The following CCDC171 variants were observed in gnomAD, a reference collection of about 807,000 sequenced individuals.
The protein encoded by CCDC171 is coiled-coil domain containing 171.
Under a neutral mutation model 168.2 loss-of-function variants are expected in CCDC171, and 177 were observed. The observed-to-expected ratio is 1.05, with a 90% confidence interval of 0.93 to 1.19. CCDC171 has a LOEUF of 1.19. CCDC171 is among the 50% of genes most tolerant of loss of function. CCDC171 has a pLI of 0.00. For synonymous variants in CCDC171, 687 were observed against 540.8 expected, an observed-to-expected ratio of 1.27 and a Z score of -3.75; for missense variants, 1,991 against 1,539.0, an observed-to-expected ratio of 1.29 and a Z score of -4.91.
At chr9:15,752,514 C>T (rs889408994) in intron 18 of CCDC171, among the ~76,000 whole-genome samples, 1 of 152,096 alleles carries the variant, frequency 6.6e-6, no homozygotes, top group Non-Finnish European at 1.5e-5. Context: ...CAATAATAGA[C>T]TGGATAAAGA....
At chr9:15,812,560 C>T (rs1220359379) in intron 21 of CCDC171, among the ~76,000 whole-genome samples, 1 of 152,030 alleles carries the variant, frequency 6.6e-6, no homozygotes, top group Admixed American at 6.5e-5. Flanking sequence ...GTATCGGCCA[C>T]AAAAAGTTAC....
At chr9:15,969,966 A>G (rs932375237) in intron 25 of CCDC171, among the ~76,000 whole-genome samples, 2 of 152,340 alleles carry the variant, frequency 1.3e-5, no homozygotes, top group Non-Finnish European at 2.9e-5. Context: ...CCTCATTAAT[A>G]CTACTAATCA....
At chr9:15,919,897 G>C (rs781150283) in intron 24 of CCDC171, among the ~76,000 whole-genome samples, 17 of 151,526 alleles carry the variant, frequency 1.1e-4, no homozygotes, top group Non-Finnish European at 2.2e-4. Flanking sequence ...GAAATACCTT[G>C]TTTGTATACC....
At chr9:16,045,158 G>C (rs1833640650) in intron 1 of CCDC171, among the ~76,000 whole-genome samples, 1 of 152,184 alleles carries the variant, frequency 6.6e-6, no homozygotes, top group Non-Finnish European at 1.5e-5. Flanking sequence ...TGCAATTCTT[G>C]TTTGGGGGTC....
intron 11 of CCDC171, among the ~76,000 whole-genome samples, chr9:15,699,853 G>T (rs1588034609): frequency 6.6e-6 from 1 of 152,148 alleles, no homozygotes; most frequent in Non-Finnish European, 1.5e-5. Context: ...GCTAGACACA[G>T]GGTGCTGATT....
chr9:15,562,661 A>T (rs1030263306), intron 1 of CCDC171, among the ~76,000 whole-genome samples: 1 of 152,176 alleles, frequency 6.6e-6, no homozygotes, highest in African/African-American at 2.4e-5. Context: ...CTAAGAGGTA[A>T]ATAGAGGTCT....
In CCDC171 at chr9:15,748,706, T is replaced by A. The variant is rs140117837; in HGVS notation, c.2671+3075T>A. Among the ~76,000 whole-genome samples the A allele has an allele frequency of 3.4e-3, 511 of 152,316 alleles. 3 individuals are homozygous for A. The highest frequency in any genetic ancestry group is 0.012 in the African/African-American group (500 of 41,566). On this transcript the variant is annotated intron_variant, in intron 18 of 25. Coordinates refer to ENST00000380701, the MANE Select transcript of CCDC171 (RefSeq NM_173550.4). ...AGAAAAGAATTTTCAACTCAGAATT[T>A]CATATCCAGCCAAACTATGCTTCTT...
At chr9:15,908,937 A>C (rs1248047890) in intron 24 of CCDC171, among the ~76,000 whole-genome samples, 1 of 152,160 alleles carries the variant, frequency 6.6e-6, no homozygotes, top group Non-Finnish European at 1.5e-5. Context: ...ATTCAACATG[A>C]GACTTGGGTG....
intron 23 of CCDC171, among the ~76,000 whole-genome samples, chr9:15,868,675 G>C (rs2061895175): frequency 1.3e-5 from 2 of 151,918 alleles, no homozygotes; most frequent in African/African-American, 2.4e-5. Context: ...TAGGGAAATG[G>C]AAGTACCAAA....
At chr9:15,591,333 T>A (rs2041993573) in intron 4 of CCDC171, 33 bp from the exon 5 acceptor site, 2 of 1,361,478 alleles carry the variant, frequency 1.5e-6, no homozygotes, top group South Asian at 2.6e-5. Context: ...TAATTCATGG[T>A]TGTAAATGTA....
intron 18 of CCDC171, among the ~76,000 whole-genome samples, chr9:15,775,778 C>T (rs913551507): frequency 6.6e-6 from 1 of 152,114 alleles, no homozygotes. Flanking sequence ...ATTAATTTCT[C>T]TTAGTATTCT....
chr9:15,918,442 A>AT (rs397715591), intron 24 of CCDC171, among the ~76,000 whole-genome samples: 1 of 151,074 alleles, frequency 6.6e-6, no homozygotes, highest in African/African-American at 2.4e-5. Context: ...AAAAAAAAAA[A>AT]CCAGGACTTG....
chr9:15,830,612 A>G (rs1394846153), intron 21 of CCDC171, among the ~76,000 whole-genome samples: 5 of 152,194 alleles, frequency 3.3e-5, no homozygotes, highest in Non-Finnish European at 7.4e-5. Flanking sequence ...CAATGCACCC[A>G]GAGTCTTTAA....
At position 15,579,050 on chromosome 9, in the gene CCDC171, G is replaced by C. The variant is rs756310876; in HGVS notation, c.352+27G>C. The C allele has an allele frequency of 4.4e-6, 7 of 1,590,370 alleles. No homozygotes were observed. The Admixed American group carries it at 1.2e-4, about 27-fold the overall frequency. The stretch of plus-strand genomic sequence containing the variant: ...TAAGACTGTTTCTATTTCTTCCCAA[G>C]TTTAGGGTTGTAACCTGATTGTATA... On this transcript the variant is annotated intron_variant, in intron 4 of 25. Coordinates refer to ENST00000380701, the MANE Select transcript of CCDC171 (RefSeq NM_173550.4).
chr9:16,047,444 C>G (rs1389687950), intron 1 of CCDC171, among the ~76,000 whole-genome samples: 1 of 152,226 alleles, frequency 6.6e-6, no homozygotes, highest in African/African-American at 2.4e-5. Context: ...CCTGCCACTA[C>G]TTTAGTACAG....
At chr9:16,108,916 A>T in the CCDC171 span, among the ~76,000 whole-genome samples, 67 of 152,300 alleles carry the variant, frequency 4.4e-4, no homozygotes, top group Non-Finnish European at 7.1e-4. Context: ...AAAAAGGAAC[A>T]ATGTAACAAT....
chr9:16,062,328 C>G (rs1158580493), downstream of CCDC171, among the ~76,000 whole-genome samples: 1 of 152,088 alleles, frequency 6.6e-6, no homozygotes, highest in Non-Finnish European at 1.5e-5. Flanking sequence ...CATGTTCTCA[C>G]TCATAAGTGG....
the CCDC171 span, among the ~76,000 whole-genome samples, chr9:16,068,966 C>A: frequency 6.6e-6 from 1 of 152,104 alleles, no homozygotes; most frequent in African/African-American, 2.4e-5. Context: ...AAGTTAACAC[C>A]CTACAGCCTG....
chr9:16,102,968 T>C, the CCDC171 span, among the ~76,000 whole-genome samples: 2 of 152,246 alleles, frequency 1.3e-5, no homozygotes, highest in East Asian at 3.9e-4. Context: ...CATTGATTAC[T>C]ACTTTGCTAA....
Sources: allele counts gnomAD v4.1 joint callset (sites outside exome capture counted in the v4.1 genomes callset), GRCh38; gene constraint gnomAD v4.1.1; transcripts MANE v1.5; gene names NCBI Gene and HGNC (gene_info 2026-07-23, HGNC 2026-07-21).